The following RAB27B variants were observed in gnomAD, a reference collection of about 807,000 sequenced individuals.
The protein encoded by RAB27B is ras-related protein Rab-27B.
Under a neutral mutation model 24.6 loss-of-function variants are expected in RAB27B, and 15 were observed. The observed-to-expected ratio is 0.61, with a 90% CI of 0.41 to 0.94. The LOEUF is 0.94. Among genes scored for constraint, RAB27B ranks in the 40% least tolerant of loss-of-function variants. The pLI, the probability that RAB27B is intolerant of heterozygous loss-of-function variation, is 0.00. For missense variants in RAB27B, 261 were observed against 266.8 expected (o/e 0.98, Z 0.15); for synonymous variants, 105 against 92.5 (o/e 1.14, Z -0.78).
intron 1 of RAB27B, among the ~76,000 whole-genome samples, chr18:54,866,702 T>A (rs1912242322): frequency 6.6e-6 from 1 of 152,188 alleles, no homozygotes; most frequent in Non-Finnish European, 1.5e-5. Flanking sequence ...ATGTTTATGC[T>A]GACAGACACT....
chr18:54,810,016 T>C (rs1330034578), intron 2 of RAB27B, among the ~76,000 whole-genome samples: 1 of 152,222 alleles, frequency 6.6e-6, no homozygotes, highest in Non-Finnish European at 1.5e-5. Flanking sequence ...AATTGAAGTT[T>C]TGAGAACAAT....
intron 2 of RAB27B, among the ~76,000 whole-genome samples, chr18:54,801,796 C>T (rs777590240): frequency 2.6e-5 from 4 of 152,148 alleles, no homozygotes; most frequent in Non-Finnish European, 5.9e-5. Flanking sequence ...GATTTGGGAC[C>T]TTTGATCTAG....
chr18:54,721,722 TA>T (rs1224367007), intron 2 of RAB27B, among the ~76,000 whole-genome samples: 1 of 152,224 alleles, frequency 6.6e-6, no homozygotes, highest in Non-Finnish European at 1.5e-5. Context: ...TACTATAATT[TA>T]TTGCCAATTA....
rs753431549 is a variant in RAB27B at position 54,884,357 on chromosome 18, T to C, written c.264T>C (p.Phe88=). 19 of 1,612,634 alleles carry C rather than the reference T, an allele frequency of 1.2e-5. 1 individual carries two copies. In the South Asian group the frequency reaches 1.9e-4, roughly 16 times the overall value. Residue 88 remains phenylalanine (F), a synonymous_variant, in exon 4 of 6, where the codon TTT becomes TTC. Transcript: ENST00000262094. ...QERFRSLTTA[F]FRDAMGFLLM... is the part of the protein sequence containing the mutation. ...GGTTCCGGAGTCTCACCACTGCATT[T>C]TTCAGAGACGCCATGGGCTTCTTAT...
chr18:54,808,832 A>G (rs1909875391), intron 2 of RAB27B, among the ~76,000 whole-genome samples: 1 of 152,260 alleles, frequency 6.6e-6, no homozygotes, highest in South Asian at 2.1e-4. Flanking sequence ...ACAGAAAAAT[A>G]TGGAAAATAA....
intron 2 of RAB27B, among the ~76,000 whole-genome samples, chr18:54,774,036 T>C (rs1598894274): frequency 6.6e-6 from 1 of 152,334 alleles, no homozygotes; most frequent in African/African-American, 2.4e-5. Flanking sequence ...ATACAACTTC[T>C]ATTTTTTTTC....
At chr18:54,741,949 G>A (rs370061772) in intron 2 of RAB27B, among the ~76,000 whole-genome samples, 107 of 152,326 alleles carry the variant, frequency 7.0e-4, no homozygotes, top group Admixed American at 1.3e-3. Flanking sequence ...AACAAGCTCT[G>A]AGGATTCTGA....
chr18:54,852,218 CT>C, intron 1 of RAB27B, among the ~76,000 whole-genome samples: 1 of 152,196 alleles, frequency 6.6e-6, no homozygotes. Context: ...GATCTCCCCA[CT>C]GGCTAAGTGG....
At chr18:54,737,873 C>T (rs778052916) in intron 2 of RAB27B, among the ~76,000 whole-genome samples, 19 of 152,056 alleles carry the variant, frequency 1.2e-4, no homozygotes, top group African/African-American at 1.9e-4. Context: ...CAACTTTTAT[C>T]GAACACCAAC....
intron 2 of RAB27B, among the ~76,000 whole-genome samples, chr18:54,728,107 G>A (rs1388793667): frequency 6.6e-6 from 1 of 152,088 alleles, no homozygotes; most frequent in Non-Finnish European, 1.5e-5. Context: ...TTTATATTTT[G>A]TATATACCAA....
chr18:54,872,021 CTG>C (rs1387448162), intron 1 of RAB27B, among the ~76,000 whole-genome samples: 9 of 152,232 alleles, frequency 5.9e-5, no homozygotes, highest in Non-Finnish European at 2.9e-5. Flanking sequence ...CAACACGTAA[CTG>C]TAGCATTTGC....
At chr18:54,791,947 T>C (rs939568365) in intron 2 of RAB27B, among the ~76,000 whole-genome samples, 1 of 152,094 alleles carries the variant, frequency 6.6e-6, no homozygotes, top group Admixed American at 6.5e-5. Context: ...GAAAACCATC[T>C]CCCTTCTGGC....
At chr18:54,868,849 A>G (rs1047535535) in intron 1 of RAB27B, among the ~76,000 whole-genome samples, 4 of 152,198 alleles carry the variant, frequency 2.6e-5, no homozygotes, top group South Asian at 4.1e-4. Context: ...CTGGTCACCA[A>G]CTAAACTCTC....
chr18:54,880,535 G>A (rs1912882959), intron 3 of RAB27B: 1 of 152,092 alleles, frequency 6.6e-6, no homozygotes, highest in Admixed American at 6.6e-5. Flanking sequence ...GAGTGTAAAT[G>A]CCAGGAGAGG....
chr18:54,885,441 C>T (rs567767026), intron 4 of RAB27B, among the ~76,000 whole-genome samples: 6 of 152,136 alleles, frequency 3.9e-5, no homozygotes, highest in Non-Finnish European at 7.4e-5. Flanking sequence ...CTTACTTGGG[C>T]CCCGTTCACT....
chr18:54,794,465 A>G (rs931733584), intron 2 of RAB27B, among the ~76,000 whole-genome samples: 3 of 152,234 alleles, frequency 2.0e-5, no homozygotes, highest in African/African-American at 7.2e-5. Context: ...GAGCTCTTAC[A>G]GCGTAAAAAC....
At chr18:54,767,386 A>G (rs926007248) in intron 2 of RAB27B, among the ~76,000 whole-genome samples, 8 of 151,130 alleles carry the variant, frequency 5.3e-5, no homozygotes, top group African/African-American at 1.5e-4. Context: ...AGGTCATAGT[A>G]TAGTTATCAG....
intron 2 of RAB27B, among the ~76,000 whole-genome samples, chr18:54,802,435 C>T (rs116110294): frequency 5.5e-4 from 83 of 151,754 alleles, no homozygotes; most frequent in Admixed American, 1.5e-3. Flanking sequence ...TAAGAGTCAA[C>T]GTTTTTCTAG....
At chr18:54,853,343 A>G (rs1911660911) in intron 1 of RAB27B, among the ~76,000 whole-genome samples, 1 of 152,166 alleles carries the variant, frequency 6.6e-6, no homozygotes. Flanking sequence ...ACATTCATCA[A>G]TAAGTAGATG....
Sources: allele counts gnomAD v4.1 joint callset (sites outside exome capture counted in the v4.1 genomes callset), GRCh38; gene constraint gnomAD v4.1.1; transcripts MANE v1.5; gene names NCBI Gene and HGNC (gene_info 2026-07-23, HGNC 2026-07-21).